Variants in CNBD1 observed in about 807,000 individuals in gnomAD.
CNBD1 encodes cyclic nucleotide binding domain containing 1.
A neutral mutation model predicts 54.4 loss-of-function variants in CNBD1; 71 were observed. The ratio of observed to expected loss-of-function variants is 1.30; its 90% CI spans 1.08 to 1.59. The LOEUF is 1.59. CNBD1 is among the 40% of genes most tolerant of loss of function. CNBD1 has a pLI of 0.00. For synonymous variants in CNBD1, 182 were observed against 170.7 expected (o/e 1.07, Z -0.51); for missense variants, 659 against 518.0 (o/e 1.27, Z -2.64).
At chr8:87,391,520 T>C (rs1811310280) in intron 2 of CNBD1, among the ~76,000 whole-genome samples, 3 of 152,106 alleles carry the variant, frequency 2.0e-5, no homozygotes, top group South Asian at 4.1e-4. Context: ...TGGAATATAA[T>C]TGAATGTCCA....
At chr8:87,402,124 C>A (rs943869097) in intron 2 of CNBD1, among the ~76,000 whole-genome samples, 2 of 151,946 alleles carry the variant, frequency 1.3e-5, no homozygotes, top group Non-Finnish European at 2.9e-5. Flanking sequence ...TGGTGGCAGG[C>A]AAGAGAGCAA....
intron 8 of CNBD1, among the ~76,000 whole-genome samples, chr8:87,332,841 G>A (rs1187174768): frequency 6.6e-6 from 1 of 152,118 alleles, no homozygotes; most frequent in African/African-American, 2.4e-5. Context: ...GCTTAGGATT[G>A]CCTTTGCTAT....
At chr8:87,050,324 G>A (rs756773749) in intron 4 of CNBD1, among the ~76,000 whole-genome samples, 4 of 152,128 alleles carry the variant, frequency 2.6e-5, no homozygotes, top group Admixed American at 6.6e-5. Flanking sequence ...ACTTCACTGA[G>A]GTTTGACAAA....
Position 87,019,998 on chromosome 8 carries a change from C to A in CNBD1, c.431+80244C>A, listed in dbSNP as rs544668084. Among the ~76,000 whole-genome samples, 4 of 152,222 alleles carry A rather than the reference C, an allele frequency of 2.6e-5. No homozygotes were observed. In the East Asian group the frequency reaches 7.7e-4, roughly 29 times the overall value. On this transcript the variant is annotated intron_variant, in intron 4 of 10. Coordinates refer to ENST00000518476, the MANE Select transcript of CNBD1 (RefSeq NM_173538.3). Reference sequence around the variant, plus strand: ...TAAGGAAGGGAAACACATTGTAAGTCTAATCAAAAATATAATAATGCATAT... The same window carrying A: ...TAAGGAAGGGAAACACATTGTAAGTATAATCAAAAATATAATAATGCATAT...
Position 86,918,971 on chromosome 8 carries a change from A to G in CNBD1, c.272+13777A>G, listed in dbSNP as rs147336474. ...CATGTGAACACATTATTTAGCTTCT[A>G]CTTGTAAGAACATGTGGTATTTGAT... On this transcript the variant is annotated intron_variant, in intron 3 of 10. Transcript: ENST00000518476. Among the ~76,000 whole-genome samples, 35 of 151,538 alleles carry G rather than the reference A, an allele frequency of 2.3e-4. No individual in the cohort carries two copies. In the East Asian group the frequency reaches 6.0e-3, roughly 26 times the overall value.
At chr8:87,189,531 T>C (rs557218454) in intron 4 of CNBD1, among the ~76,000 whole-genome samples, 2 of 152,308 alleles carry the variant, frequency 1.3e-5, no homozygotes, top group East Asian at 3.9e-4. Flanking sequence ...AAAGCCCAGC[T>C]ATCCTCCCCA....
At chr8:86,967,693 A>T (rs903707736) in intron 4 of CNBD1, among the ~76,000 whole-genome samples, 4 of 151,688 alleles carry the variant, frequency 2.6e-5, no homozygotes, top group Admixed American at 2.0e-4. Context: ...CATGTTGCCT[A>T]CTCTTTTTAA....
intron 10 of CNBD1, among the ~76,000 whole-genome samples, chr8:87,370,374 A>C (rs1480382443): frequency 3.3e-5 from 5 of 151,726 alleles, no homozygotes; most frequent in Non-Finnish European, 7.4e-5. Context: ...TTTCTCCACT[A>C]CTCTCCAGCA....
rs765378360 is a variant in CNBD1, at chr8:87,351,765, G to T, written c.1123G>T (p.Gly375Ter). Residue 375 changes from glycine to a stop codon, truncating the protein, a stop_gained, in exon 9 of 11, where the codon GGA (glycine) becomes TGA (stop). Coordinates refer to ENST00000518476, the MANE Select transcript of CNBD1 (RefSeq NM_173538.3). LOFTEE classifies it high-confidence loss of function. ...CTGTAACATTTATAGAAGTATTATA[G>T]GATTTGTGAAACTACGATCAAATAA... ...GCCNIYRSII[G>*]FVKLRSNKVK... The T allele has an allele frequency of 6.6e-7, 1 of 1,514,558 alleles. No individual in the cohort carries two copies. Among genetic ancestry groups the T allele is most frequent in the Admixed American group, 2.5e-5 (1 of 39,600 alleles). 93.8% of individuals were successfully genotyped at this position (1,514,558 alleles called of 1,614,324 possible).
At chr8:87,298,483 T>TC (rs964305768) in intron 8 of CNBD1, among the ~76,000 whole-genome samples, 6 of 140,394 alleles carry the variant, frequency 4.3e-5, no homozygotes, top group Admixed American at 2.2e-4. Context: ...GTTTCTTTTT[T>TC]CCCTCTTTTT....
At chr8:87,399,628 C>A (rs1313241958) in intron 2 of CNBD1, among the ~76,000 whole-genome samples, 1 of 151,898 alleles carries the variant, frequency 6.6e-6, no homozygotes, top group South Asian at 2.1e-4. Context: ...AAATATTTAA[C>A]CCTTGGTAAA....
chr8:86,994,355 A>G (rs564912762), intron 4 of CNBD1, among the ~76,000 whole-genome samples: 1 of 152,364 alleles, frequency 6.6e-6, no homozygotes, highest in African/African-American at 2.4e-5. Context: ...ACTGGTGGGC[A>G]GGAGGGCCTA....
intron 10 of CNBD1, among the ~76,000 whole-genome samples, chr8:87,358,070 A>T (rs1380861436): frequency 6.6e-6 from 1 of 152,096 alleles, no homozygotes; most frequent in Non-Finnish European, 1.5e-5. Context: ...TGAACAAAAG[A>T]TTCCCGAGGC....
At position 87,010,395 on chromosome 8, in the gene CNBD1, A is replaced by G. The variant is rs1809191972; in HGVS notation, c.431+70641A>G. On this transcript the variant is annotated intron_variant, in intron 4 of 10. Coordinates refer to ENST00000518476, the MANE Select transcript of CNBD1 (RefSeq NM_173538.3). ...TAATATGTGGTTAAATCCATCTACTAGGTTCTTTTTTTCTGTGCTTGTATT... is the reference window on the plus strand; with the variant it reads ...TAATATGTGGTTAAATCCATCTACTGGGTTCTTTTTTTCTGTGCTTGTATT... Among the ~76,000 whole-genome samples the G allele has an allele frequency of 2.0e-5, 3 of 152,080 alleles. 1 individual carries two copies. The South Asian group carries it at 6.2e-4, about 32-fold the overall frequency.
chr8:87,217,425 T>C (rs555159363), intron 5 of CNBD1, among the ~76,000 whole-genome samples: 1 of 152,192 alleles, frequency 6.6e-6, no homozygotes, highest in South Asian at 2.1e-4. Context: ...GTGGTATGAC[T>C]TAATATTAGA....
chr8:87,350,630 G>A (rs928840897), intron 8 of CNBD1, among the ~76,000 whole-genome samples: 2 of 151,446 alleles, frequency 1.3e-5, no homozygotes, highest in Non-Finnish European at 2.9e-5. Context: ...AAACAAATAG[G>A]GATGCCTTCA....
intron 8 of CNBD1, among the ~76,000 whole-genome samples, chr8:87,289,875 C>T (rs1051332846): frequency 2.0e-5 from 3 of 152,072 alleles, no homozygotes; most frequent in Non-Finnish European, 4.4e-5. Context: ...ATCCCAGAAC[C>T]GGTTTGATAC....
intron 4 of CNBD1, among the ~76,000 whole-genome samples, chr8:87,116,335 G>A (rs1703570492): frequency 6.6e-6 from 1 of 151,088 alleles, no homozygotes. Context: ...TTGACTAGCT[G>A]GGACTACAGG....
intron 6 of CNBD1, among the ~76,000 whole-genome samples, chr8:87,259,373 T>C (rs1419416786): frequency 6.6e-6 from 1 of 152,154 alleles, no homozygotes; most frequent in African/African-American, 2.4e-5. Context: ...AATTGAACAA[T>C]TTTCAAAAGT....
Sources: allele counts gnomAD v4.1 joint callset (sites outside exome capture counted in the v4.1 genomes callset), GRCh38; gene constraint gnomAD v4.1.1; transcripts MANE v1.5; gene names NCBI Gene and HGNC (gene_info 2026-07-23, HGNC 2026-07-21).